The following PSG6 variants were observed in gnomAD, a reference collection of about 807,000 sequenced individuals.
PSG6 encodes pregnancy specific beta-1-glycoprotein 6.
PSG6 carries 51 observed loss-of-function variants against 43.3 expected under a neutral mutation model. That is an observed-to-expected ratio of 1.18 (90% CI 0.94 to 1.49). PSG6 has a LOEUF of 1.49. Ranked by LOEUF, PSG6 falls within the 40% of genes most tolerant of loss-of-function variation. The pLI is 0.00. For synonymous variants in PSG6, 292 were observed against 197.6 expected (o/e 1.48, Z -4.01); for missense variants, 770 against 522.2 (o/e 1.47, Z -4.62).
At chr19:42,906,803 G>A (rs1972119912) in intron 5 of PSG6, 119 bp downstream of exon 5, 2 of 1,601,676 alleles carry the variant, frequency 1.2e-6, no homozygotes, top group Admixed American at 1.7e-5. Flanking sequence ...GGAGAATTTG[G>A]GATTTGCTTG....
rs761128992 is a variant in PSG6, at chr19:42,917,804, T to C, written c.-12A>G. 4.4e-5 allele frequency: 71 copies of C among 1,607,644 alleles called. 1 individual carries two copies. The highest frequency in any genetic ancestry group is 5.5e-5 in the Non-Finnish European group (65 of 1,176,588). On this transcript the variant is annotated 5_prime_UTR_variant, in exon 1 of 6. Coordinates refer to ENST00000187910, the MANE Select transcript of PSG6 (RefSeq NM_001031850.4). ...GAGAGGGGTCCCATGGTCTCTGCTG[T>C]CTGTGTGTTCTCCCCTGTGGAGATG...
intron 1 of PSG6, among the ~76,000 whole-genome samples, chr19:42,917,440 T>C (rs1198444037): frequency 6.7e-6 from 1 of 148,970 alleles, no homozygotes; most frequent in African/African-American, 2.5e-5. Flanking sequence ...CTCGGCTAGC[T>C]GCAACTTCTG....
intron 5 of PSG6, among the ~76,000 whole-genome samples, chr19:42,902,741 G>C (rs1173498533): frequency 6.6e-6 from 1 of 151,250 alleles, no homozygotes; most frequent in East Asian, 1.9e-4. Flanking sequence ...TTCCCTCACA[G>C]GTGTCTTCCC....
chr19:42,916,229 A>G lies in PSG6; in HGVS notation c.323T>C (p.Ile108Thr). 1 of 1,612,228 alleles carries G rather than the reference A, an allele frequency of 6.2e-7. No homozygotes were observed. ...TGCATCCTCCTGTGTGACATTCTGG[A>G]TCAGCAGGGATGCATTGGAATATAC... is the stretch of plus-strand genomic sequence containing the variant. ...ETVYSNASLL[I>T]QNVTQEDAGS... The change falls in exon 2 of 6, where the codon ATC (isoleucine) becomes ACC (threonine). Residue 108 changes from isoleucine (I) to threonine (T), a missense_variant. Coordinates refer to ENST00000187910, the MANE Select transcript of PSG6 (RefSeq NM_001031850.4).
chr19:42,907,750 T>C lies in PSG6; in HGVS notation c.811A>G (p.Ile271Val). ...AGGCTCTGACCATTTAGCCACCAAA[T>C]GTAGGTGTAGTTCCGACTCTTAGGT... ...CEPKSRNYTY[I>V]WWLNGQSLPV... Residue 271 changes from isoleucine to valine, a missense_variant, in exon 4 of 6, where the codon ATT becomes GTT. Physicochemically the swap from Ile to Val is conservative, Grantham distance 29. Transcript: ENST00000187910. 1.9e-6 allele frequency: 3 copies of C among 1,610,846 alleles called. No homozygotes were observed. The highest frequency in any genetic ancestry group is 2.5e-6 in the Non-Finnish European group (3 of 1,179,120).
intron 2 of PSG6, among the ~76,000 whole-genome samples, chr19:42,912,224 G>A (rs1271453920): frequency 3.3e-5 from 5 of 151,520 alleles, no homozygotes; most frequent in Non-Finnish European, 7.4e-5. Flanking sequence ...GATTTCCGAT[G>A]CTCAATTTGT....
chr19:42,916,648 G>A (rs181385005), intron 1 of PSG6, among the ~76,000 whole-genome samples, 161 bp from the exon 2 acceptor site: 5 of 151,116 alleles, frequency 3.3e-5, no homozygotes, highest in Admixed American at 2.6e-4. Flanking sequence ...GTGTTTGTGT[G>A]TGTGTATGTG....
At chr19:42,910,369 A>T in intron 3 of PSG6, 4 of 1,258,350 alleles carry the variant, frequency 3.2e-6, no homozygotes, top group Non-Finnish European at 4.4e-6. Context: ...GTGGAACCTG[A>T]GTCTCCCATG....
Position 42,902,323 on chromosome 19 carries a change from C to T in PSG6, c.*89G>A. The T allele has an allele frequency of 6.9e-7, 1 of 1,444,840 alleles. No individual in the cohort carries two copies. The highest frequency in any genetic ancestry group is 9.6e-7 in the Non-Finnish European group (1 of 1,046,254). The allele number at this position is 1,444,840 out of a possible 1,614,324, so 89.5% of individuals were successfully genotyped here. ...ACATTATCCTTTTGATTATTTAGTC[C>T]AATAACATTGAGTTTTTTTCTTCTT... On this transcript the variant is annotated 3_prime_UTR_variant, in exon 6 of 6. Transcript: ENST00000187910.
chr19:42,903,700 G>A (rs1327341436), intron 5 of PSG6: 3 of 1,524,238 alleles, frequency 2.0e-6, no homozygotes, highest in Non-Finnish European at 2.6e-6. Context: ...ACCAGCATAG[G>A]TAACCTGGGG....
chr19:42,907,555 A>T (rs1315672483), intron 4 of PSG6, 21 bp downstream of exon 4: 1 of 1,611,044 alleles, frequency 6.2e-7, no homozygotes. Flanking sequence ...CCTGGCCCAC[A>T]GAGGAACAAA....
chr19:42,917,831 G>A lies in PSG6; in HGVS notation c.-39C>T, dbSNP rs747038301. The A allele has an allele frequency of 1.9e-6, 3 of 1,596,364 alleles. No homozygotes were observed. Among genetic ancestry groups the A allele is most frequent in the East Asian group, 4.5e-5 (2 of 44,290 alleles). On this transcript the variant is annotated 5_prime_UTR_variant, in exon 1 of 6. Coordinates refer to ENST00000187910, the MANE Select transcript of PSG6 (RefSeq NM_001031850.4). The stretch of plus-strand genomic sequence containing the variant: ...TGTGTGTTCTCCCCTGTGGAGATGA[G>A]CCTAGGATCCAGAGACTTCCTGAGC...
intron 3 of PSG6, among the ~76,000 whole-genome samples, chr19:42,909,485 A>C (rs1972178266): frequency 1.3e-5 from 2 of 151,644 alleles, no homozygotes; most frequent in South Asian, 2.1e-4. Context: ...GTTGCATTGA[A>C]TCTGCAACTC....
intron 1 of PSG6, 61 bp from the exon 2 acceptor site, chr19:42,916,548 G>T: frequency 1.3e-6 from 2 of 1,557,818 alleles, no homozygotes; most frequent in African/African-American, 2.7e-5. Context: ...GAAAAGATGG[G>T]GCCCTGTGTC....
rs147622518 is a variant in PSG6 at position 42,908,919 on chromosome 19, G to A, written c.707-1065C>T. On this transcript the variant is annotated intron_variant, in intron 3 of 5. Transcript: ENST00000187910. ...CTGGGAGTGGGGAGAATCAGAAGTT[G>A]TTCATGGGTGTGCAGTTTCAGTTAT... is the stretch of plus-strand genomic sequence containing the variant. Among the ~76,000 whole-genome samples, 35 of 151,784 alleles carry A rather than the reference G, an allele frequency of 2.3e-4. No individual in the cohort carries two copies. In the East Asian group the frequency reaches 6.2e-3, roughly 27 times the overall value.
intron 5 of PSG6, 30 bp from the exon 6 acceptor site, chr19:42,902,476 T>C (rs1433913943): frequency 6.2e-7 from 1 of 1,607,074 alleles, no homozygotes; most frequent in African/African-American, 1.3e-5. Flanking sequence ...GGTCAGCGCA[T>C]TTCAAATTCA....
At chr19:42,915,083 C>A (rs985622535) in intron 2 of PSG6, among the ~76,000 whole-genome samples, 1 of 151,494 alleles carries the variant, frequency 6.6e-6, no homozygotes, top group Non-Finnish European at 1.5e-5. Context: ...CCTTGGAACC[C>A]AGTAAGCCCT....
chr19:42,907,277 C>A lies in PSG6; in HGVS notation c.986-101G>T, dbSNP rs1972132943. ...AGTGACCCTCTGAACCAAGACACAA[C>A]CTCAAGTGACAGCCAAATCCCATCT... On this transcript the variant is annotated intron_variant, in intron 4 of 5. Coordinates refer to ENST00000187910, the MANE Select transcript of PSG6 (RefSeq NM_001031850.4). 2.0e-6 allele frequency: 3 copies of A among 1,518,248 alleles called. 1 individual carries two copies. Among genetic ancestry groups the A allele is most frequent in the South Asian group, 2.7e-5 (2 of 75,360 alleles). 94.0% of individuals were successfully genotyped at this position (1,518,248 alleles called of 1,614,324 possible).
rs1058702 is a variant in PSG6 at position 42,907,823 on chromosome 19, G to T, written c.738C>A (p.Asn246Lys). Residue 246 changes from asparagine (N) to lysine (K), a missense_variant, in exon 4 of 6, where the codon AAC (asparagine) becomes AAA (lysine). Transcript: ENST00000187910. ...PKLPMPYITI[N>K]NLNPREKKDV... ...CCTTCTTCTCCCTGGGGTTTAAGTT[G>T]TTGATGGTGATGTAAGGCATGGGCA... 2.7e-5 allele frequency: 43 copies of T among 1,611,582 alleles called. 2 individuals are homozygous for T. The highest frequency in any genetic ancestry group is 1.0e-4 in the Admixed American group (6 of 59,866).
Sources: gnomAD v4.1 joint callset for allele counts (sites outside exome capture counted in the v4.1 genomes callset) on GRCh38, gnomAD v4.1.1 for gene constraint, MANE v1.5 for transcripts, NCBI Gene and HGNC (gene_info 2026-07-23, HGNC 2026-07-21) for gene names.